RFC3: variants seen among roughly 807,000 people sequenced by gnomAD.
RFC3 encodes A1 38 kDa subunit.
RFC3 carries 41 observed loss-of-function variants against 45.1 expected under a neutral mutation model. The ratio of observed to expected loss-of-function variants is 0.91; its 90% CI spans 0.71 to 1.18. RFC3 has a LOEUF of 1.18. RFC3 is among the 50% of genes most tolerant of loss of function. The probability of loss-of-function intolerance (pLI) is 0.00; values close to 1 mark genes in which losing one functional copy is unlikely to be tolerated. For missense variants in RFC3, 423 were observed against 428.1 expected, an observed-to-expected ratio of 0.99 and a Z score of 0.10; for synonymous variants, 149 against 144.0, an observed-to-expected ratio of 1.03 and a Z score of -0.25.
At chr13:33,885,275 A>G (rs2082513188) in intron 8 of RFC3, among the ~76,000 whole-genome samples, 1 of 152,134 alleles carries the variant, frequency 6.6e-6, no homozygotes, top group Admixed American at 6.5e-5. Context: ...TATTTGAGAC[A>G]TCATAGGAAA....
chr13:33,976,284 A>C, the RFC3 span, among the ~76,000 whole-genome samples: 6 of 152,202 alleles, frequency 3.9e-5, no homozygotes, highest in African/African-American at 1.2e-4. Context: ...GTAGCAACAT[A>C]AATGGAACTG....
intron 8 of RFC3, among the ~76,000 whole-genome samples, chr13:33,911,339 G>A (rs2082702636): frequency 6.6e-6 from 1 of 152,070 alleles, no homozygotes; most frequent in South Asian, 2.1e-4. Context: ...AAGAGTTTAT[G>A]TAGAGAAGTT....
chr13:33,971,247 C>T (rs2083108263), downstream of RFC3, among the ~76,000 whole-genome samples: 1 of 152,174 alleles, frequency 6.6e-6, no homozygotes, highest in Non-Finnish European at 1.5e-5. Flanking sequence ...GAACCATTAT[C>T]ATGAATTGGA....
At chr13:33,831,430 A>G in intron 7 of RFC3, 76 bp downstream of exon 7, 1 of 759,270 alleles carries the variant, frequency 1.3e-6, no homozygotes, top group East Asian at 2.7e-5. Context: ...ATTTTATGCT[A>G]ATGTCATTTT....
chr13:33,841,274 A>C (rs2082196418), downstream of RFC3, among the ~76,000 whole-genome samples: 1 of 152,224 alleles, frequency 6.6e-6, no homozygotes, highest in African/African-American at 2.4e-5. Flanking sequence ...CTGGTGCTAA[A>C]AAGGTTGGGG....
At chr13:33,939,088 T>C (rs375406880) in intron 8 of RFC3, among the ~76,000 whole-genome samples, 54 of 152,292 alleles carry the variant, frequency 3.5e-4, no homozygotes, top group African/African-American at 1.3e-3. Flanking sequence ...GCTAAGGTGT[T>C]TTGCCTATTT....
At chr13:33,901,999 C>T (rs757820184) in intron 8 of RFC3, among the ~76,000 whole-genome samples, 8 of 151,948 alleles carry the variant, frequency 5.3e-5, no homozygotes, top group Non-Finnish European at 8.8e-5. Flanking sequence ...CCCTGCCCTG[C>T]TATGGGTACA....
chr13:33,946,577 T>C lies in RFC3; in HGVS notation c.880-19510T>C, dbSNP rs186586387. Among the ~76,000 whole-genome samples the C allele has an allele frequency of 3.0e-4, 46 of 152,358 alleles. No individual in the cohort carries two copies. In the East Asian group the frequency reaches 8.7e-3, roughly 29 times the overall value. The stretch of plus-strand genomic sequence containing the variant: ...AATACTTTTAAGCATATAACTTTTC[T>C]AAAATGAAAATATTTTGTGAGAAAA... On this transcript the variant is annotated intron_variant, in intron 8 of 8. Transcript: ENST00000434425.
At chr13:33,952,449 A>T (rs199546898) in intron 8 of RFC3, among the ~76,000 whole-genome samples, 8 of 152,198 alleles carry the variant, frequency 5.3e-5, no homozygotes, top group South Asian at 2.1e-4. Flanking sequence ...AAAAAGTTCA[A>T]TTTATTAGAC....
At chr13:33,886,364 G>A (rs1299183070) in intron 8 of RFC3, among the ~76,000 whole-genome samples, 2 of 151,942 alleles carry the variant, frequency 1.3e-5, no homozygotes, top group Admixed American at 1.3e-4. Context: ...GGCTAACATG[G>A]CGAAACCCTG....
chr13:33,861,540 G>T (rs2137537011), intron 8 of RFC3, among the ~76,000 whole-genome samples: 1 of 152,058 alleles, frequency 6.6e-6, no homozygotes, highest in East Asian at 1.9e-4. Flanking sequence ...AGCTATTCAG[G>T]AGGCTGAGGC....
intron 8 of RFC3, among the ~76,000 whole-genome samples, chr13:33,945,421 A>G (rs1347650641): frequency 6.6e-6 from 1 of 152,182 alleles, no homozygotes; most frequent in African/African-American, 2.4e-5. Context: ...AAAAAACACA[A>G]TAGTAACAAA....
chr13:33,927,769 G>T (rs1007830577), intron 8 of RFC3, among the ~76,000 whole-genome samples: 3 of 152,052 alleles, frequency 2.0e-5, no homozygotes, highest in African/African-American at 7.2e-5. Flanking sequence ...GGAGAGGCCT[G>T]GTGTGTGGGT....
chr13:33,935,915 GTGT>G (rs2082883284), intron 8 of RFC3, among the ~76,000 whole-genome samples: 1 of 152,186 alleles, frequency 6.6e-6, no homozygotes, highest in Non-Finnish European at 1.5e-5. Flanking sequence ...TGGGCCTAAA[GTGT>G]TGTTTCACAG....
chr13:33,825,768 C>T (rs1274289397), intron 3 of RFC3, 21 bp from the exon 4 acceptor site: 4 of 1,461,982 alleles, frequency 2.7e-6, no homozygotes, highest in South Asian at 2.5e-5. Flanking sequence ...TACTATATAC[C>T]ATTATTTTTG....
At chr13:33,886,264 G>A (rs376939874) in intron 8 of RFC3, among the ~76,000 whole-genome samples, 25 of 152,160 alleles carry the variant, frequency 1.6e-4, no homozygotes, top group Middle Eastern at 3.4e-3. Context: ...AAATGAAACC[G>A]GACCAGACAC....
At chr13:33,898,506 G>T (rs929025051) in intron 8 of RFC3, among the ~76,000 whole-genome samples, 1 of 151,834 alleles carries the variant, frequency 6.6e-6, no homozygotes. Flanking sequence ...TACCGAAAAA[G>T]CAGTGTTAAG....
intron 8 of RFC3, among the ~76,000 whole-genome samples, chr13:33,886,824 C>T (rs927783541): frequency 7.0e-6 from 1 of 142,234 alleles, no homozygotes; most frequent in Non-Finnish European, 1.5e-5. Flanking sequence ...GTGATGTTCC[C>T]CTTCCTGTGT....
At chr13:33,972,489 C>CT in the RFC3 span, among the ~76,000 whole-genome samples, 7 of 152,134 alleles carry the variant, frequency 4.6e-5, no homozygotes, top group Non-Finnish European at 8.8e-5. Context: ...TTAAGTTTGA[C>CT]TTTATGTTTT....
Sources: allele counts gnomAD v4.1 joint callset (sites outside exome capture counted in the v4.1 genomes callset), GRCh38; gene constraint gnomAD v4.1.1; transcripts MANE v1.5; gene names NCBI Gene and HGNC (gene_info 2026-07-23, HGNC 2026-07-21).